TBCK: variants seen among roughly 807,000 people sequenced by gnomAD.
TBCK encodes TBC1 domain containing kinase.
Under a neutral mutation model 113.4 loss-of-function variants are expected in TBCK, and 99 were observed. The observed-to-expected ratio is 0.87, with a 90% CI of 0.74 to 1.03. The LOEUF (loss-of-function observed/expected upper bound fraction) is 1.03, where lower values mean the gene tolerates loss of function less well. TBCK is among the 50% of genes least tolerant of loss of function. The pLI is 0.00. For synonymous variants in TBCK, 369 were observed against 370.8 expected (o/e 1.00, Z 0.05); for missense variants, 1,045 against 1,061.3 (o/e 0.98, Z 0.21).
intron 5 of TBCK, among the ~76,000 whole-genome samples, chr4:106,259,883 T>C (rs1357918437): frequency 6.6e-6 from 1 of 151,954 alleles, no homozygotes; most frequent in Non-Finnish European, 1.5e-5. Context: ...ATTTCTTTTG[T>C]GGAGGGCAAC....
rs1733977050 is a variant in TBCK at position 106,043,548 on chromosome 4, T to C, written c.*3022A>G. 1 of 152,218 alleles carries C rather than the reference T, an allele frequency of 6.6e-6. No homozygotes were observed. Among genetic ancestry groups the C allele is most frequent in the Admixed American group, 6.5e-5 (1 of 15,282 alleles). The allele number at this position is 152,218 out of a possible 1,614,324, so 9.4% of individuals were successfully genotyped here. ...TCCTGATCTTAAGCAGCTCATATTT[T>C]AATAGGGGACTAAATGTAAACAAAC... is the stretch of plus-strand genomic sequence containing the variant. On this transcript the variant is annotated 3_prime_UTR_variant, in exon 26 of 26. Transcript: ENST00000394708.
intron 25 of TBCK, among the ~76,000 whole-genome samples, chr4:106,078,558 A>G (rs1738494077): frequency 6.6e-6 from 1 of 152,198 alleles, no homozygotes; most frequent in South Asian, 2.1e-4. Context: ...TCCTGGAAAC[A>G]CATAGCCTTC....
intron 19 of TBCK, 53 bp from the exon 20 acceptor site, chr4:106,212,888 C>T: frequency 1.9e-6 from 2 of 1,070,806 alleles, no homozygotes; most frequent in Non-Finnish European, 2.8e-6. Flanking sequence ...ACTCCAAGAA[C>T]ATTATATTCA....
At chr4:106,254,130 G>A (rs984750910) in intron 5 of TBCK, among the ~76,000 whole-genome samples, 1 of 151,930 alleles carries the variant, frequency 6.6e-6, no homozygotes, top group Non-Finnish European at 1.5e-5. Flanking sequence ...TTTCTGGCCA[G>A]AGAAGCTCAT....
intron 23 of TBCK, among the ~76,000 whole-genome samples, chr4:106,137,042 G>A (rs1306091354): frequency 2.1e-5 from 3 of 140,564 alleles, no homozygotes; most frequent in Non-Finnish European, 3.2e-5. Context: ...GGCAGATAAA[G>A]GGAAGATATG....
intron 20 of TBCK, among the ~76,000 whole-genome samples, chr4:106,207,961 A>C (rs1476187765): frequency 6.6e-6 from 1 of 152,196 alleles, no homozygotes; most frequent in Non-Finnish European, 1.5e-5. Flanking sequence ...TCAGAAATAC[A>C]TGTGAATTAA....
chr4:106,211,779 A>G (rs1756165979), intron 20 of TBCK, among the ~76,000 whole-genome samples: 1 of 152,116 alleles, frequency 6.6e-6, no homozygotes, highest in Non-Finnish European at 1.5e-5. Context: ...AATCATAATT[A>G]ATATTCTAGA....
At chr4:106,302,303 T>C (rs1009682675) in intron 2 of TBCK, among the ~76,000 whole-genome samples, 2 of 152,172 alleles carry the variant, frequency 1.3e-5, no homozygotes, top group African/African-American at 2.4e-5. Context: ...GCTGTTGAAC[T>C]GGCCTCAGAG....
At position 106,195,894 on chromosome 4, in the gene TBCK, T is replaced by TGTTTATATATCTCCTATTG. The variant is rs1754178037; in HGVS notation, c.1861-1159_1861-1141dup. Among the ~76,000 whole-genome samples, 5 of 152,064 alleles carry TGTTTATATATCTCCTATTG rather than the reference T, an allele frequency of 3.3e-5. No homozygotes were observed. The South Asian group carries it at 1.0e-3, about 32-fold the overall frequency. The stretch of plus-strand genomic sequence containing the variant: ...ACTCATAATAAATCTCCTCTATCTA[T>TGTTTATATATCTCCTATTG]GTTTATATATCTCCTATTGGTTCTG... On this transcript the variant is annotated intron_variant, in intron 20 of 25. Coordinates refer to ENST00000394708, the MANE Select transcript of TBCK (RefSeq NM_001163435.3).
chr4:106,304,599 C>T lies in TBCK; in HGVS notation c.193+4169G>A, dbSNP rs116312037. On this transcript the variant is annotated intron_variant, in intron 2 of 25. Transcript: ENST00000394708. ...GTATACAACCAAATTTATAGTCCAA[C>T]TAAAAAAATATTAATATTACTAACC... Among the ~76,000 whole-genome samples, 939 of 152,180 alleles carry T rather than the reference C, an allele frequency of 6.2e-3. 8 individuals are homozygous for T. The highest frequency in any genetic ancestry group is 0.021 in the African/African-American group (892 of 41,538).
At chr4:106,296,549 G>A (rs1274681340) in intron 2 of TBCK, among the ~76,000 whole-genome samples, 2 of 152,122 alleles carry the variant, frequency 1.3e-5, no homozygotes, top group Non-Finnish European at 2.9e-5. Context: ...GAATGGGGAA[G>A]TAGAGATGGA....
rs116432218 is a variant in TBCK at position 106,296,336 on chromosome 4, A to G, written c.194-1170T>C. On this transcript the variant is annotated intron_variant, in intron 2 of 25. Transcript: ENST00000394708. The stretch of plus-strand genomic sequence containing the variant: ...AAGTAAAATAAAGAATAAGTTTAAC[A>G]CAAAACACAAAGACTGAGACTAGAT... Among the ~76,000 whole-genome samples, 864 of 152,322 alleles carry G rather than the reference A, an allele frequency of 5.7e-3. 10 individuals carry two copies. Among genetic ancestry groups the G allele is most frequent in the African/African-American group, 0.02 (834 of 41,582 alleles).
At position 106,244,775 on chromosome 4, in the gene TBCK, C is replaced by A; in HGVS notation, c.932-11G>T. On this transcript the variant is annotated splice_polypyrimidine_tract_variant and intron_variant, in intron 10 of 25. Coordinates refer to ENST00000394708, the MANE Select transcript of TBCK (RefSeq NM_001163435.3). ...AATCATTATTTATATCTATTAAAAG[C>A]AAATTTAAGGAATCATTGTATTATA... 6.7e-7 allele frequency: 1 copy of A among 1,495,228 alleles called. No homozygotes were observed. Among genetic ancestry groups the A allele is most frequent in the Non-Finnish European group, 9.2e-7 (1 of 1,090,346 alleles). 92.6% of individuals were successfully genotyped at this position (1,495,228 alleles called of 1,614,324 possible).
chr4:106,199,066 T>G (rs182202954), intron 20 of TBCK, among the ~76,000 whole-genome samples: 1 of 152,160 alleles, frequency 6.6e-6, no homozygotes, highest in Non-Finnish European at 1.5e-5. Context: ...GAACAAAGCA[T>G]AGTTCCAGGC....
rs145078851 is a variant in TBCK at position 106,139,450 on chromosome 4, G to A, written c.2236-23072C>T. On this transcript the variant is annotated intron_variant, in intron 23 of 25. Coordinates refer to ENST00000394708, the MANE Select transcript of TBCK (RefSeq NM_001163435.3). ...GTTTCAGCAATAAACACAAAAGACT[G>A]TTTAACATTTTAAATGAGAAGGAAG... Among the ~76,000 whole-genome samples, 33 of 141,760 alleles carry A rather than the reference G, an allele frequency of 2.3e-4. 4 individuals carry two copies. The highest frequency in any genetic ancestry group is 7.0e-4 in the African/African-American group (28 of 40,226). The allele number at this position is 141,760 out of a possible 152,430, so 93.0% of individuals were successfully genotyped here.
At chr4:106,124,672 T>C (rs1343531289) in intron 23 of TBCK, among the ~76,000 whole-genome samples, 6 of 152,048 alleles carry the variant, frequency 3.9e-5, no homozygotes, top group South Asian at 4.1e-4. Flanking sequence ...TATGCAGCCA[T>C]AAAAAATGAT....
At position 106,306,334 on chromosome 4, in the gene TBCK, C is replaced by T. The variant is rs1319588396; in HGVS notation, c.193+2434G>A. Among the ~76,000 whole-genome samples the T allele has an allele frequency of 6.0e-5, 9 of 150,508 alleles. No homozygotes were observed. The Admixed American group carries it at 6.0e-4, about 10-fold the overall frequency. ...TCCTGGCCTCAAGCAATCTTCCTGC[C>T]TCAGCATGCCAAAGTGCTAGGATTA... On this transcript the variant is annotated intron_variant, in intron 2 of 25. Coordinates refer to ENST00000394708, the MANE Select transcript of TBCK (RefSeq NM_001163435.3).
At position 106,041,672 on chromosome 4, in the gene TBCK, T is replaced by C. The variant is rs1334358159; in HGVS notation, c.*4898A>G. 5.3e-5 allele frequency: 8 copies of C among 152,050 alleles called. No homozygotes were observed. 9.4% of individuals were successfully genotyped at this position (152,050 alleles called of 1,614,324 possible). On this transcript the variant is annotated 3_prime_UTR_variant, in exon 26 of 26. Transcript: ENST00000394708. ...AGTATTATTGAAATGCTGCAGACAA[T>C]GCAAACTAATAATAGGTCCTCTGAA...
At chr4:106,049,818 C>T (rs962859256) in intron 25 of TBCK, among the ~76,000 whole-genome samples, 4 of 152,010 alleles carry the variant, frequency 2.6e-5, no homozygotes, top group Non-Finnish European at 5.9e-5. Flanking sequence ...ACAGCAATAA[C>T]AAGGTTTGTT....
Sources: allele counts gnomAD v4.1 joint callset (sites outside exome capture counted in the v4.1 genomes callset), GRCh38; gene constraint gnomAD v4.1.1; transcripts MANE v1.5; gene names NCBI Gene and HGNC (gene_info 2026-07-23, HGNC 2026-07-21).